Variants in SASS6 observed in about 807,000 individuals in gnomAD.
SASS6 encodes the protein spindle assembly abnormal protein 6 homolog.
A neutral mutation model predicts 94.9 loss-of-function variants in SASS6; 59 were observed. The ratio of observed to expected loss-of-function variants is 0.62; its 90% confidence interval spans 0.50 to 0.77. SASS6 has a LOEUF of 0.77. SASS6 is among the 30% of genes least tolerant of loss of function. The pLI, the probability that SASS6 is intolerant of heterozygous loss-of-function variation, is 0.00. For missense variants in SASS6, 698 were observed against 734.1 expected, an observed-to-expected ratio of 0.95 and a Z score of 0.57; for synonymous variants, 264 against 270.0, an observed-to-expected ratio of 0.98 and a Z score of 0.22.
At chr1:100,103,870 G>A (rs1347196552) in intron 13 of SASS6, among the ~76,000 whole-genome samples, 1 of 152,150 alleles carries the variant, frequency 6.6e-6, no homozygotes, top group Non-Finnish European at 1.5e-5. Flanking sequence ...CCAATGTCCT[G>A]TAGCCAAGGA....
At chr1:100,092,034 A>AT (rs1651740704) in intron 14 of SASS6, among the ~76,000 whole-genome samples, 1 of 147,784 alleles carries the variant, frequency 6.8e-6, no homozygotes, top group Non-Finnish European at 1.5e-5. Context: ...AAAAAAAAAA[A>AT]ATTGAAGAAA....
intron 7 of SASS6, among the ~76,000 whole-genome samples, chr1:100,110,705 C>G (rs965173281): frequency 4.0e-5 from 6 of 151,838 alleles, no homozygotes; most frequent in Admixed American, 1.3e-4. Context: ...AAATTTACCA[C>G]CATGATCTTG....
chr1:100,099,064 T>C (rs1423790471), intron 14 of SASS6, among the ~76,000 whole-genome samples: 1 of 152,206 alleles, frequency 6.6e-6, no homozygotes, highest in Non-Finnish European at 1.5e-5. Flanking sequence ...ACATTATTTT[T>C]AAAAAGTTAA....
intron 1 of SASS6, among the ~76,000 whole-genome samples, chr1:100,126,573 T>C (rs1334095272): frequency 6.6e-6 from 1 of 151,904 alleles, no homozygotes; most frequent in Non-Finnish European, 1.5e-5. Flanking sequence ...AGGTCAAGAG[T>C]TGGAGACCAG....
At chr1:100,118,165 A>G (rs956335179) in intron 7 of SASS6, among the ~76,000 whole-genome samples, 1 of 152,068 alleles carries the variant, frequency 6.6e-6, no homozygotes, top group Non-Finnish European at 1.5e-5. Flanking sequence ...AAAATACAAA[A>G]TTAGCTGGGC....
At chr1:100,097,785 G>A (rs1440665938) in intron 14 of SASS6, among the ~76,000 whole-genome samples, 2 of 152,060 alleles carry the variant, frequency 1.3e-5, no homozygotes, top group African/African-American at 2.4e-5. Flanking sequence ...AGCCATGATC[G>A]TGCCACTGCA....
chr1:100,122,888 T>C (rs2101687698), intron 3 of SASS6, among the ~76,000 whole-genome samples: 1 of 152,262 alleles, frequency 6.6e-6, no homozygotes, highest in Middle Eastern at 3.4e-3. Flanking sequence ...TCCTGAAGGA[T>C]TCTTTTTTCA....
At chr1:100,090,656 C>T (rs912064129) in intron 14 of SASS6, among the ~76,000 whole-genome samples, 2 of 152,068 alleles carry the variant, frequency 1.3e-5, no homozygotes, top group Admixed American at 6.6e-5. Context: ...GAAACATCTT[C>T]CCTACTTTTC....
At chr1:100,121,064 A>T (rs1044010354) in intron 5 of SASS6, among the ~76,000 whole-genome samples, 1 of 151,430 alleles carries the variant, frequency 6.6e-6, no homozygotes, top group Non-Finnish European at 1.5e-5. Context: ...AAAAAAAAAA[A>T]AAAAAAGATG....
At chr1:100,132,549 C>T (rs947396755) in intron 1 of SASS6, among the ~76,000 whole-genome samples, 3 of 152,184 alleles carry the variant, frequency 2.0e-5, no homozygotes, top group Non-Finnish European at 4.4e-5. Flanking sequence ...TAACTCCTCA[C>T]ACCCTTCCTC....
intron 14 of SASS6, among the ~76,000 whole-genome samples, chr1:100,102,032 T>C (rs1007439766): frequency 6.6e-6 from 1 of 152,144 alleles, no homozygotes; most frequent in African/African-American, 2.4e-5. Flanking sequence ...GATCTGAAGT[T>C]AGCAATGAAA....
chr1:100,105,928 G>A, intron 12 of SASS6, 25 bp from the exon 13 acceptor site: 1 of 1,487,540 alleles, frequency 6.7e-7, no homozygotes, highest in Non-Finnish European at 9.2e-7. Flanking sequence ...CAAGAAGCAA[G>A]GTAAAGAATA....
rs780249523 is a variant in SASS6, at chr1:100,110,381, C to G, written c.772G>C (p.Glu258Gln). The change falls in exon 8 of 17, where the codon GAA (glutamate) becomes CAA (glutamine). Residue 258 changes from glutamate to glutamine, a missense_variant. Glu to Gln is a conservative substitution (Grantham distance 29). Coordinates refer to ENST00000287482, the MANE Select transcript of SASS6 (RefSeq NM_194292.3). ...HQLQNRLSEL[E>Q]AANKDLTERK... ...TCGGTTAAGTCTTTATTAGCCGCTT[C>G]TAACTCAGACAGTCTGTTTTGTAGC... 3.7e-6 allele frequency: 6 copies of G among 1,608,430 alleles called. No individual in the cohort carries two copies. In the East Asian group the frequency reaches 1.3e-4, roughly 36 times the overall value.
chr1:100,086,313 CT>C (rs531537144), intron 15 of SASS6, among the ~76,000 whole-genome samples: 5 of 152,008 alleles, frequency 3.3e-5, no homozygotes, highest in African/African-American at 1.2e-4. Flanking sequence ...GGTGAACAGA[CT>C]TTTTTTCTAT....
chr1:100,103,884 C>G (rs10875280), intron 13 of SASS6, among the ~76,000 whole-genome samples: 1 of 152,028 alleles, frequency 6.6e-6, no homozygotes, highest in Non-Finnish European at 1.5e-5. Flanking sequence ...CCAAGGACCA[C>G]CAGGAACCCA....
At chr1:100,105,983 A>G (rs1326732911) in intron 12 of SASS6, 80 bp from the exon 13 acceptor site, 1 of 941,112 alleles carries the variant, frequency 1.1e-6, no homozygotes, top group African/African-American at 1.7e-5. Flanking sequence ...TAAAAATTAT[A>G]TTAAGATTTT....
At chr1:100,103,644 A>G (rs1473108708) in intron 13 of SASS6, among the ~76,000 whole-genome samples, 2 of 152,158 alleles carry the variant, frequency 1.3e-5, no homozygotes, top group African/African-American at 2.4e-5. Context: ...GGATGCACAC[A>G]AAAAAACACC....
rs145052015 is a variant in SASS6 at position 100,087,170 on chromosome 1, T to C, written c.1772+969A>G. 8.1e-3 allele frequency among the ~76,000 whole-genome samples: 1,236 copies of C among 152,050 alleles called. 17 individuals carry two copies. Among genetic ancestry groups the C allele is most frequent in the African/African-American group, 0.028 (1,165 of 41,360 alleles). ...TTAATTTTTGTATTTTTCGTAGAGATGGAGTTTCACCATGTTGGCCAGGCT... is the reference window on the plus strand; with the variant it reads ...TTAATTTTTGTATTTTTCGTAGAGACGGAGTTTCACCATGTTGGCCAGGCT... On this transcript the variant is annotated intron_variant, in intron 15 of 16. Coordinates refer to ENST00000287482, the MANE Select transcript of SASS6 (RefSeq NM_194292.3).
rs1651146934 is a variant in SASS6 at position 100,085,212 on chromosome 1, T to TGAGC, written c.*115_*116insGCTC. Reference sequence around the variant, plus strand: ...AAGCAGTACTTAAAGTATCCAGTCTTTAACAGCTCAAGTAAAATTTGAAAC... The same window carrying TGAGC: ...AAGCAGTACTTAAAGTATCCAGTCTTGAGCTAACAGCTCAAGTAAAATTTGAAAC... On this transcript the variant is annotated 3_prime_UTR_variant, in exon 17 of 17. Coordinates refer to ENST00000287482, the MANE Select transcript of SASS6 (RefSeq NM_194292.3). 12 of 739,128 alleles carry TGAGC rather than the reference T, an allele frequency of 1.6e-5. No individual in the cohort carries two copies. The highest frequency in any genetic ancestry group is 3.5e-5 in the African/African-American group (2 of 57,246). 45.8% of individuals were successfully genotyped at this position (739,128 alleles called of 1,614,324 possible). A position where few individuals can be genotyped will look rare whatever the true frequency, so the allele number is the denominator to read the frequency against.
Sources: gnomAD v4.1 joint callset for allele counts (sites outside exome capture counted in the v4.1 genomes callset) on GRCh38, gnomAD v4.1.1 for gene constraint, MANE v1.5 for transcripts, NCBI Gene and HGNC (gene_info 2026-07-23, HGNC 2026-07-21) for gene names.